WWOX: variants seen among roughly 807,000 people sequenced by gnomAD.
WWOX encodes the protein WW domain-containing oxidoreductase.
In WWOX, 69 loss-of-function variants were observed where a neutral mutation model predicts 46.2. That is an observed-to-expected ratio of 1.49 (90% CI 1.23 to 1.82). The LOEUF (loss-of-function observed/expected upper bound fraction) is 1.82. WWOX is among the 40% of genes most tolerant of loss of function. WWOX has a pLI of 0.00. For missense variants in WWOX, 919 were observed against 542.6 expected (o/e 1.69, Z -6.89); for synonymous variants, 359 against 202.6 (o/e 1.77, Z -6.56).
chr16:79,148,025 G>T (rs2050211778), intron 8 of WWOX, among the ~76,000 whole-genome samples: 1 of 151,984 alleles, frequency 6.6e-6, no homozygotes, highest in East Asian at 1.9e-4. Flanking sequence ...TCTACAGCTT[G>T]TCTTTTCATC....
At chr16:78,422,818 T>C (rs1434627949) in intron 6 of WWOX, among the ~76,000 whole-genome samples, 19 of 120,300 alleles carry the variant, frequency 1.6e-4, no homozygotes, top group African/African-American at 7.8e-4. Flanking sequence ...CACATATATA[T>C]ACACACACAT....
chr16:78,895,486 C>G (rs2044681646), intron 8 of WWOX: 1 of 152,202 alleles, frequency 6.6e-6, no homozygotes, highest in African/African-American at 2.4e-5. Flanking sequence ...CCCGTAGCTT[C>G]TTGTGTTTTT....
intron 6 of WWOX, among the ~76,000 whole-genome samples, chr16:78,396,303 G>C (rs939385328): frequency 3.1e-4 from 47 of 150,994 alleles, no homozygotes; most frequent in African/African-American, 1.1e-3. Context: ...GACATTTGTC[G>C]GAAAAAAAAA....
chr16:78,174,309 A>T (rs1013996910), intron 5 of WWOX, among the ~76,000 whole-genome samples: 2 of 152,200 alleles, frequency 1.3e-5, no homozygotes, highest in African/African-American at 4.8e-5. Flanking sequence ...ACTGCCTGAT[A>T]AACCCATCAG....
chr16:79,022,937 C>T (rs1228559133), intron 8 of WWOX, among the ~76,000 whole-genome samples: 1 of 152,058 alleles, frequency 6.6e-6, no homozygotes, highest in Non-Finnish European at 1.5e-5. Context: ...AATGCATCTG[C>T]TAATAATACC....
intron 8 of WWOX, among the ~76,000 whole-genome samples, chr16:79,137,400 C>T (rs1366375391): frequency 6.6e-6 from 1 of 152,122 alleles, no homozygotes; most frequent in Non-Finnish European, 1.5e-5. Context: ...TTTATCACAG[C>T]TGATAACTTG....
intron 8 of WWOX, among the ~76,000 whole-genome samples, chr16:78,975,233 G>C (rs747895037): frequency 1.4e-4 from 22 of 152,116 alleles, no homozygotes. Context: ...TTCTCAGATG[G>C]GACCACTTTT....
At chr16:78,897,018 A>C (rs903932083) in intron 8 of WWOX, 2 of 151,712 alleles carry the variant, frequency 1.3e-5, no homozygotes, top group African/African-American at 4.8e-5. Flanking sequence ...ACTTGAGGCC[A>C]GGAGTTTGAG....
intron 8 of WWOX, among the ~76,000 whole-genome samples, chr16:78,441,321 A>G (rs1353916454): frequency 1.3e-5 from 2 of 152,174 alleles, no homozygotes; most frequent in African/African-American, 4.8e-5. Context: ...TGTTCTGTAA[A>G]TGTTTGTAAA....
Position 78,405,458 on chromosome 16 carries a change from T to C in WWOX, c.605+18510T>C, listed in dbSNP as rs571757496. 1.3e-3 allele frequency among the ~76,000 whole-genome samples: 205 copies of C among 152,344 alleles called. 3 individuals are homozygous for C. The South Asian group carries it at 0.041, about 31-fold the overall frequency. On this transcript the variant is annotated intron_variant, in intron 6 of 8. Transcript: ENST00000566780. ...CTTTCAAATTTAAAGGAATAGCTGA[T>C]GGTCACTGGCCACCCAAGCTGATAC... is the stretch of plus-strand genomic sequence containing the variant.
intron 8 of WWOX, among the ~76,000 whole-genome samples, chr16:78,667,792 TTC>T (rs2047367702): frequency 6.6e-6 from 1 of 152,196 alleles, no homozygotes; most frequent in Non-Finnish European, 1.5e-5. Context: ...GTTTCTGTCT[TTC>T]TCTCGCATCA....
intron 8 of WWOX, among the ~76,000 whole-genome samples, chr16:78,515,697 C>T (rs1332213037): frequency 2.0e-5 from 3 of 152,214 alleles, no homozygotes; most frequent in Non-Finnish European, 1.5e-5. Context: ...CCTGCCTTTT[C>T]ACCTGCCAGA....
chr16:78,199,341 AAACT>A lies in WWOX; in HGVS notation c.516+35055_516+35058del, dbSNP rs1384670979. On this transcript the variant is annotated intron_variant, in intron 5 of 8. Coordinates refer to ENST00000566780, the MANE Select transcript of WWOX (RefSeq NM_016373.4). ...CAAACAAACAAACAAACAAACAAAC[AAACT>A]AAGAACAACAACGAAAAAACTCCCA... 3.5e-3 allele frequency among the ~76,000 whole-genome samples: 491 copies of A among 141,942 alleles called. 1 individual carries two copies. Among genetic ancestry groups the A allele is most frequent in the African/African-American group, 0.011 (401 of 37,132 alleles). 93.1% of individuals were successfully genotyped at this position (141,942 alleles called of 152,430 possible). A position where few individuals can be genotyped will look rare whatever the true frequency, so the allele number is the denominator to read the frequency against.
intron 8 of WWOX, among the ~76,000 whole-genome samples, chr16:79,153,191 A>T (rs1167739705): frequency 6.6e-6 from 1 of 152,120 alleles, no homozygotes; most frequent in Non-Finnish European, 1.5e-5. Context: ...CCATGTGAGG[A>T]GGAGGAGATT....
chr16:78,530,478 C>G (rs1170588439), intron 8 of WWOX, among the ~76,000 whole-genome samples: 3 of 152,206 alleles, frequency 2.0e-5, no homozygotes, highest in Non-Finnish European at 4.4e-5. Context: ...AGCTGTTCTT[C>G]TGAAGTCCAG....
chr16:78,151,311 A>G (rs554124923), intron 4 of WWOX, among the ~76,000 whole-genome samples: 2 of 152,128 alleles, frequency 1.3e-5, no homozygotes, highest in East Asian at 3.9e-4. Context: ...ATGGTGGGGT[A>G]CACCTGCTTG....
chr16:78,562,243 G>A (rs1038446092), intron 8 of WWOX, among the ~76,000 whole-genome samples: 5 of 152,266 alleles, frequency 3.3e-5, no homozygotes, highest in African/African-American at 1.2e-4. Context: ...GCGAGGTTTG[G>A]GAATGCTGCC....
At chr16:78,401,541 T>C (rs1389740863) in intron 6 of WWOX, among the ~76,000 whole-genome samples, 1 of 152,046 alleles carries the variant, frequency 6.6e-6, no homozygotes, top group East Asian at 1.9e-4. Context: ...GTATATATGA[T>C]TTAGGGGAAA....
intron 8 of WWOX, among the ~76,000 whole-genome samples, chr16:78,697,660 C>G (rs145205648): frequency 0.018 from 2,736 of 152,222 alleles, 265 homozygotes; most frequent in Admixed American, 0.16. Flanking sequence ...TGCTCAACAT[C>G]ACTAATGATC....
Sources: allele counts gnomAD v4.1 joint callset (sites outside exome capture counted in the v4.1 genomes callset), GRCh38; gene constraint gnomAD v4.1.1; transcripts MANE v1.5; gene names NCBI Gene and HGNC (gene_info 2026-07-23, HGNC 2026-07-21).